AAR2: variants seen among roughly 807,000 people sequenced by gnomAD.
AAR2 encodes the protein AAR2 splicing factor.
Under a neutral mutation model 26.9 loss-of-function variants are expected in AAR2, and 31 were observed. The ratio of observed to expected loss-of-function variants is 1.15; its 90% CI spans 0.86 to 1.55. The LOEUF (loss-of-function observed/expected upper bound fraction) is 1.55, where lower values mean the gene tolerates loss of function less well. Among genes scored for constraint, AAR2 ranks in the 40% most tolerant of loss-of-function variants. The pLI is 0.00. For synonymous variants in AAR2, 188 were observed against 196.1 expected (o/e 0.96, Z 0.34); for missense variants, 430 against 491.3 (o/e 0.88, Z 1.18).
chr20:36,246,209 G>A (rs909810814), intron 3 of AAR2, among the ~76,000 whole-genome samples: 1 of 152,206 alleles, frequency 6.6e-6, no homozygotes, highest in African/African-American at 2.4e-5. Flanking sequence ...AGTGAACACA[G>A]TGTGAATCCC....
At chr20:36,251,643 C>T (rs1187357664) in intron 3 of AAR2, among the ~76,000 whole-genome samples, 3 of 152,216 alleles carry the variant, frequency 2.0e-5, no homozygotes, top group East Asian at 1.9e-4. Flanking sequence ...TGCGTGTTGC[C>T]GCATGCCTAG....
chr20:36,247,336 T>C (rs2064743910), intron 3 of AAR2, among the ~76,000 whole-genome samples: 1 of 152,130 alleles, frequency 6.6e-6, no homozygotes, highest in African/African-American at 2.4e-5. Context: ...TCTCCCACAC[T>C]GCCACCTGAG....
intron 3 of AAR2, among the ~76,000 whole-genome samples, chr20:36,253,997 A>C (rs11696512): frequency 0.21 from 32,035 of 152,154 alleles, 3,526 homozygotes; most frequent in East Asian, 0.33. Flanking sequence ...TGCTGGTGGG[A>C]ATATAAAATG....
At chr20:36,241,262 GTT>G (rs2064678299) in intron 2 of AAR2, among the ~76,000 whole-genome samples, 1 of 151,844 alleles carries the variant, frequency 6.6e-6, no homozygotes, top group African/African-American at 2.4e-5. Flanking sequence ...TGTCTTCTCT[GTT>G]TATTTCTATG....
chr20:36,249,209 G>T (rs920290895), intron 3 of AAR2, among the ~76,000 whole-genome samples: 1 of 152,144 alleles, frequency 6.6e-6, no homozygotes, highest in African/African-American at 2.4e-5. Context: ...CCCATGTGAG[G>T]CCCTTTTGAA....
intron 1 of AAR2, among the ~76,000 whole-genome samples, chr20:36,238,978 G>A (rs1396049828): frequency 6.6e-6 from 1 of 152,052 alleles, no homozygotes; most frequent in Non-Finnish European, 1.5e-5. Context: ...GTTGCATAAT[G>A]GTTTGTTTAC....
At chr20:36,253,180 C>T (rs751835276) in intron 3 of AAR2, among the ~76,000 whole-genome samples, 1 of 151,916 alleles carries the variant, frequency 6.6e-6, no homozygotes, top group African/African-American at 2.4e-5. Flanking sequence ...AGGAAGACAG[C>T]GGAGAAGCAG....
intron 1 of AAR2, among the ~76,000 whole-genome samples, chr20:36,237,528 T>C (rs2147282134): frequency 6.6e-6 from 1 of 152,028 alleles, no homozygotes; most frequent in East Asian, 1.9e-4. Context: ...TTTCCTAGCA[T>C]CTCCTCTGTG....
chr20:36,241,373 T>G (rs1326576230), intron 2 of AAR2, among the ~76,000 whole-genome samples: 2 of 152,230 alleles, frequency 1.3e-5, no homozygotes, highest in African/African-American at 4.8e-5. Flanking sequence ...GTAATCTGCC[T>G]TAATATAAAT....
In AAR2 at chr20:36,255,919, G is replaced by A. The variant is rs560393190; in HGVS notation, c.*174G>A. 2 of 914,358 alleles carry A rather than the reference G, an allele frequency of 2.2e-6. No individual in the cohort carries two copies. Among genetic ancestry groups the A allele is most frequent in the Non-Finnish European group, 3.2e-6 (2 of 627,782 alleles). 56.6% of individuals were successfully genotyped at this position (914,358 alleles called of 1,614,324 possible). On this transcript the variant is annotated 3_prime_UTR_variant, in exon 4 of 4. Transcript: ENST00000320849. ...ATAAATATATTTCTTCATTGCCAAA[G>A]AGGCTGTACCCATCCTGAAGGCACA...
rs1299454814 is a variant in AAR2 at position 36,240,091 on chromosome 20, A to G, written c.223A>G (p.Met75Val). Residue 75 changes from methionine to valine, a missense_variant, in exon 2 of 4, where the codon ATG (methionine) becomes GTG (valine). Coordinates refer to ENST00000320849, the MANE Select transcript of AAR2 (RefSeq NM_001271874.2). ...KANPKEVGPRMGFFLSLHQRG... is the reference protein window; with the variant it reads ...KANPKEVGPRVGFFLSLHQRG... ...TAATCCGAAGGAAGTAGGCCCTCGT[A>G]TGGGTTTCTTCCTTAGCCTGCACCA... 4 of 1,614,190 alleles carry G rather than the reference A, an allele frequency of 2.5e-6. No homozygotes were observed. Among genetic ancestry groups the G allele is most frequent in the Non-Finnish European group, 3.4e-6 (4 of 1,180,026 alleles).
At position 36,255,723 on chromosome 20, in the gene AAR2, C is replaced by T; in HGVS notation, c.1133C>T (p.Pro378Leu). ...EDCAPVVVEL[P>L]EGIEMG ...TGTGCCCCGGTGGTGGTGGAGCTCC[C>T]TGAGGGCATCGAGATGGGCTAACTC... Residue 378 changes from proline (P) to leucine (L), a missense_variant, in exon 4 of 4, where the codon CCT becomes CTT. By Grantham distance (98) the Pro-to-Leu change is moderately conservative (BLOSUM62 -3). Transcript: ENST00000320849. 6.2e-7 allele frequency: 1 copy of T among 1,614,122 alleles called. No homozygotes were observed. The highest frequency in any genetic ancestry group is 8.5e-7 in the Non-Finnish European group (1 of 1,180,024).
At chr20:36,240,987 G>A (rs1352830905) in intron 2 of AAR2, among the ~76,000 whole-genome samples, 5 of 152,012 alleles carry the variant, frequency 3.3e-5, no homozygotes, top group Admixed American at 2.6e-4. Context: ...ACCTGTGTTC[G>A]TTGTAGCCTC....
At chr20:36,255,186 G>T (rs920028492) in intron 3 of AAR2, among the ~76,000 whole-genome samples, 2 of 152,206 alleles carry the variant, frequency 1.3e-5, no homozygotes, top group African/African-American at 4.8e-5. Context: ...CAGTCGTGTT[G>T]GCTTGGGGCC....
At chr20:36,248,781 T>G (rs1201776634) in intron 3 of AAR2, among the ~76,000 whole-genome samples, 2 of 152,082 alleles carry the variant, frequency 1.3e-5, no homozygotes, top group African/African-American at 4.8e-5. Context: ...GGGTTGAGAT[T>G]TGAGGCTTTA....
chr20:36,245,031 T>C, intron 3 of AAR2, 105 bp downstream of exon 3: 5 of 1,029,640 alleles, frequency 4.9e-6, no homozygotes, highest in Non-Finnish European at 7.2e-6. Flanking sequence ...AATTTTTAAA[T>C]TTCAGTTTCC....
At chr20:36,251,225 G>A (rs985611488) in intron 3 of AAR2, among the ~76,000 whole-genome samples, 1 of 151,732 alleles carries the variant, frequency 6.6e-6, no homozygotes, top group African/African-American at 2.4e-5. Context: ...CTAGGTATTC[G>A]TGGCATGTAC....
intron 2 of AAR2, among the ~76,000 whole-genome samples, chr20:36,242,945 C>G (rs745648053): frequency 6.7e-6 from 1 of 148,306 alleles, no homozygotes; most frequent in African/African-American, 2.5e-5. Context: ...GCAGCCTCAA[C>G]CTCCTGGGCT....
intron 3 of AAR2, among the ~76,000 whole-genome samples, chr20:36,250,803 G>A (rs1346641377): frequency 1.3e-5 from 2 of 151,984 alleles, no homozygotes; most frequent in Non-Finnish European, 2.9e-5. Flanking sequence ...GGTTGCATGG[G>A]GGTATATATA....
Sources: allele counts gnomAD v4.1 joint callset (sites outside exome capture counted in the v4.1 genomes callset), GRCh38; gene constraint gnomAD v4.1.1; transcripts MANE v1.5; gene names NCBI Gene and HGNC (gene_info 2026-07-23, HGNC 2026-07-21).